Variants in SYNPR observed in about 807,000 individuals in gnomAD.
SYNPR encodes the protein synaptoporin.
In SYNPR, 23 loss-of-function variants were observed where a neutral mutation model predicts 32.9. The observed-to-expected ratio is 0.70, with a 90% confidence interval of 0.50 to 0.99. The LOEUF is 0.99. Ranked by LOEUF, SYNPR falls within the 50% of genes least tolerant of loss-of-function variation. SYNPR has a pLI of 0.00. For missense variants in SYNPR, 318 were observed against 349.3 expected (o/e 0.91, Z 0.71); for synonymous variants, 146 against 135.9 (o/e 1.07, Z -0.52).
intron 1 of SYNPR, among the ~76,000 whole-genome samples, chr3:63,235,906 T>G (rs2086197406): frequency 6.6e-6 from 1 of 152,098 alleles, no homozygotes. Flanking sequence ...CTTTTATTAA[T>G]CATGCTTTTT....
At chr3:63,588,500 AT>A (rs1189068608) in intron 4 of SYNPR, among the ~76,000 whole-genome samples, 3 of 152,062 alleles carry the variant, frequency 2.0e-5, no homozygotes, top group Non-Finnish European at 4.4e-5. Flanking sequence ...CATCTAGCTG[AT>A]TCAATGGCAG....
At chr3:63,207,647 G>C in the SYNPR span, among the ~76,000 whole-genome samples, 2 of 152,068 alleles carry the variant, frequency 1.3e-5, no homozygotes, top group Non-Finnish European at 2.9e-5. Context: ...ACAAGGAACA[G>C]AACTCTTGAA....
intron 2 of SYNPR, among the ~76,000 whole-genome samples, chr3:63,362,177 T>C (rs183072372): frequency 7.6e-4 from 116 of 152,336 alleles, no homozygotes; most frequent in Admixed American, 7.3e-3. Flanking sequence ...TCACTCTGTG[T>C]CTCTGAATGT....
In SYNPR at chr3:63,298,404, G is replaced by A. The variant is rs114441685; in HGVS notation, c.84+19662G>A. Among the ~76,000 whole-genome samples, 1,270 of 152,174 alleles carry A rather than the reference G, an allele frequency of 8.3e-3. 23 individuals carry two copies. Among genetic ancestry groups the A allele is most frequent in the African/African-American group, 0.028 (1,144 of 41,502 alleles). On this transcript the variant is annotated intron_variant, in intron 2 of 5. Transcript: ENST00000478300. ...GAGCAAAACCTAAGTTAAAAGCACC[G>A]ATGAGGGTAATTTGTTAGGAAATGA...
intron 2 of SYNPR, among the ~76,000 whole-genome samples, chr3:63,323,587 G>A (rs953958907): frequency 6.6e-6 from 1 of 151,992 alleles, no homozygotes; most frequent in Admixed American, 6.6e-5. Flanking sequence ...CATGATGGAA[G>A]ACTTTTGGAG....
intron 2 of SYNPR, among the ~76,000 whole-genome samples, chr3:63,472,311 G>A (rs1700817530): frequency 1.3e-5 from 2 of 152,298 alleles, no homozygotes; most frequent in South Asian, 2.1e-4. Flanking sequence ...TCACTTAGGA[G>A]TAGATCATGT....
intron 4 of SYNPR, among the ~76,000 whole-genome samples, chr3:63,582,543 T>A (rs1175872833): frequency 6.6e-6 from 1 of 152,112 alleles, no homozygotes; most frequent in South Asian, 2.1e-4. Flanking sequence ...AGCTCCATGG[T>A]TTCATTAAGC....
chr3:63,411,692 C>T (rs1364118229), intron 2 of SYNPR, among the ~76,000 whole-genome samples: 2 of 151,968 alleles, frequency 1.3e-5, no homozygotes, highest in African/African-American at 4.8e-5. Flanking sequence ...ACAGAGTAAA[C>T]ATGGCACATT....
rs561051054 is a variant in SYNPR at position 63,607,906 on chromosome 3, C to T, written c.409-1219C>T. Among the ~76,000 whole-genome samples the T allele has an allele frequency of 2.0e-5, 3 of 152,262 alleles. No individual in the cohort carries two copies. The South Asian group carries it at 6.2e-4, about 32-fold the overall frequency. ...CATGAGAGCAAGATACAGAGCAAGT[C>T]AGATGCACTATGCCCTCGGGCAGGA... is the stretch of plus-strand genomic sequence containing the variant. On this transcript the variant is annotated intron_variant, in intron 4 of 5. Transcript: ENST00000478300.
chr3:63,508,181 A>C (rs1701626255), intron 3 of SYNPR, among the ~76,000 whole-genome samples: 1 of 151,994 alleles, frequency 6.6e-6, no homozygotes, highest in Admixed American at 6.6e-5. Context: ...TACATCTTCT[A>C]TTTCTGCTTC....
intron 2 of SYNPR, among the ~76,000 whole-genome samples, chr3:63,424,469 A>G (rs35560458): frequency 0.15 from 22,125 of 152,192 alleles, 2,015 homozygotes; most frequent in Non-Finnish European, 0.2. Context: ...ACCTTGGAGA[A>G]TGATTGAGAC....
At chr3:63,289,926 C>A (rs533661761) in intron 2 of SYNPR, among the ~76,000 whole-genome samples, 1 of 151,802 alleles carries the variant, frequency 6.6e-6, no homozygotes, top group East Asian at 1.9e-4. Flanking sequence ...GTCAAGAGAT[C>A]GAGACCATCC....
chr3:63,304,726 A>T (rs1476332173), intron 2 of SYNPR, among the ~76,000 whole-genome samples: 2 of 151,914 alleles, frequency 1.3e-5, no homozygotes, highest in African/African-American at 4.8e-5. Context: ...AAAAGTAAAG[A>T]ATTTGTCATG....
chr3:63,472,161 G>A (rs929331348), intron 2 of SYNPR, among the ~76,000 whole-genome samples: 2 of 152,178 alleles, frequency 1.3e-5, no homozygotes, highest in Non-Finnish European at 2.9e-5. Flanking sequence ...TGACAGAGAA[G>A]GCCTCAGTTA....
At chr3:63,612,998 G>A (rs1006256236) in intron 5 of SYNPR, among the ~76,000 whole-genome samples, 2 of 149,288 alleles carry the variant, frequency 1.3e-5, no homozygotes, top group African/African-American at 4.9e-5. Context: ...TTGAGACAGG[G>A]TTTTGCTCTG....
At chr3:63,443,808 C>T (rs1429821547) in intron 2 of SYNPR, among the ~76,000 whole-genome samples, 1 of 152,238 alleles carries the variant, frequency 6.6e-6, no homozygotes, top group East Asian at 1.9e-4. Flanking sequence ...GTTTAATATC[C>T]TAAATACATT....
the SYNPR span, chr3:63,203,595 A>T: frequency 1.3e-5 from 2 of 152,218 alleles, no homozygotes. Flanking sequence ...GTGGCCTATC[A>T]TTCTTGCCTC....
At chr3:63,481,451 A>G (rs60859485) in intron 3 of SYNPR, among the ~76,000 whole-genome samples, 102,142 of 147,066 alleles carry the variant, frequency 0.69, 36,385 homozygotes, top group African/African-American at 0.87. Context: ...ATATATATAT[A>G]TGTGTGTGTG....
chr3:63,401,921 G>A (rs992792455), intron 2 of SYNPR, among the ~76,000 whole-genome samples: 1 of 152,130 alleles, frequency 6.6e-6, no homozygotes, highest in African/African-American at 2.4e-5. Context: ...GAGGCCAGTA[G>A]GAGATAAAGA....
Sources: allele counts gnomAD v4.1 joint callset (sites outside exome capture counted in the v4.1 genomes callset), GRCh38; gene constraint gnomAD v4.1.1; transcripts MANE v1.5; gene names NCBI Gene and HGNC (gene_info 2026-07-23, HGNC 2026-07-21).